RIMS3: variants seen among roughly 807,000 people sequenced by gnomAD.
RIMS3 encodes regulating synaptic membrane exocytosis 3.
In RIMS3, 15 loss-of-function variants were observed where a neutral mutation model predicts 29.2. That is an observed-to-expected ratio of 0.51 (90% CI 0.34 to 0.79). The LOEUF (loss-of-function observed/expected upper bound fraction) is 0.79. RIMS3 is among the 30% of genes least tolerant of loss of function. The pLI is 0.01. For synonymous variants in RIMS3, 161 were observed against 170.1 expected (o/e 0.95, Z 0.41); for missense variants, 342 against 421.4 (o/e 0.81, Z 1.65).
chr1:40,649,990 C>T (rs1160785168), intron 1 of RIMS3, among the ~76,000 whole-genome samples: 2 of 135,022 alleles, frequency 1.5e-5, no homozygotes, highest in African/African-American at 6.4e-5. Context: ...CCTGCAAGAC[C>T]TACAAGACTG....
At chr1:40,662,239 C>G (rs553075596) in intron 1 of RIMS3, among the ~76,000 whole-genome samples, 1 of 152,166 alleles carries the variant, frequency 6.6e-6, no homozygotes, top group Non-Finnish European at 1.5e-5. Context: ...CCCTCTACCA[C>G]GCCAAGCCTG....
chr1:40,644,949 AAGACAGTCCCC>A (rs1646584998), intron 2 of RIMS3, among the ~76,000 whole-genome samples: 1 of 152,232 alleles, frequency 6.6e-6, no homozygotes, highest in Admixed American at 6.5e-5. Flanking sequence ...CAAATAAAGG[AAGACAGTCCCC>A]AGACAGCTGA....
At chr1:40,686,676 AC>A in the RIMS3 span, among the ~76,000 whole-genome samples, 1 of 152,004 alleles carries the variant, frequency 6.6e-6, no homozygotes, top group African/African-American at 2.4e-5. Flanking sequence ...AACAAAAAAA[AC>A]CCTTAATTTT....
At chr1:40,655,252 C>T (rs1048900137) in intron 1 of RIMS3, among the ~76,000 whole-genome samples, 6 of 152,154 alleles carry the variant, frequency 3.9e-5, no homozygotes, top group Non-Finnish European at 7.4e-5. Context: ...GGCAGCCTTG[C>T]CCTTACCTGT....
chr1:40,648,174 G>A (rs1391765253), intron 1 of RIMS3, among the ~76,000 whole-genome samples: 5 of 152,072 alleles, frequency 3.3e-5, no homozygotes, highest in Admixed American at 6.5e-5. Context: ...GATTAATGGG[G>A]TCTGTGTCCC....
chr1:40,672,285 G>A, the RIMS3 span, among the ~76,000 whole-genome samples: 1 of 139,338 alleles, frequency 7.2e-6, no homozygotes, highest in African/African-American at 2.7e-5. Flanking sequence ...TGCAAGCTCC[G>A]CCTCCCGGGT....
chr1:40,622,385 A>C lies in RIMS3; in HGVS notation c.*4132T>G, dbSNP rs949786882. ...TTTTGCCCCAACCTCTTCTGACGTG[A>C]GTGAAAAGGTTGAGGGAGAAGGCGG... On this transcript the variant is annotated 3_prime_UTR_variant, in exon 8 of 8. Coordinates refer to ENST00000372684, the MANE Select transcript of RIMS3 (RefSeq NM_014747.3). 6.6e-6 allele frequency: 1 copy of C among 152,356 alleles called. No homozygotes were observed. The highest frequency in any genetic ancestry group is 1.5e-5 in the Non-Finnish European group (1 of 68,076). 9.4% of individuals were successfully genotyped at this position (152,356 alleles called of 1,614,324 possible). A position where few individuals can be genotyped will look rare whatever the true frequency, so the allele number is the denominator to read the frequency against.
the RIMS3 span, among the ~76,000 whole-genome samples, chr1:40,678,432 G>C: frequency 1.3e-5 from 2 of 152,006 alleles, no homozygotes; most frequent in Non-Finnish European, 2.9e-5. Context: ...AAAAAGGAAG[G>C]TAATAGTCTC....
intron 3 of RIMS3, among the ~76,000 whole-genome samples, chr1:40,638,831 T>C (rs1030959551): frequency 6.6e-6 from 1 of 152,176 alleles, no homozygotes; most frequent in Non-Finnish European, 1.5e-5. Flanking sequence ...TTTAGCTCCA[T>C]TTTACAGAAG....
chr1:40,641,285 C>A (rs1646554252), intron 3 of RIMS3, among the ~76,000 whole-genome samples: 1 of 152,178 alleles, frequency 6.6e-6, no homozygotes, highest in Non-Finnish European at 1.5e-5. Flanking sequence ...GAGACTAAAT[C>A]TTATGGATGT....
In RIMS3 at chr1:40,636,078, A is replaced by C; in HGVS notation, c.218-21T>G. 6.2e-7 allele frequency: 1 copy of C among 1,601,134 alleles called. No individual in the cohort carries two copies. The highest frequency in any genetic ancestry group is 2.2e-5 in the East Asian group (1 of 44,852). On this transcript the variant is annotated intron_variant, in intron 3 of 7. Transcript: ENST00000372684. This position sits in a 1 kb window ranked among gnomAD's most constrained non-coding sequence, Gnocchi z 4.2. ...CCCTTCTGTGACCCCCCCAACCCCA[A>C]GCACAGAGAGGGAACAAGGTCAGAT...
chr1:40,645,118 T>A (rs1646586048), intron 2 of RIMS3, among the ~76,000 whole-genome samples: 1 of 152,176 alleles, frequency 6.6e-6, no homozygotes, highest in Admixed American at 6.5e-5. Context: ...TGGATTGTAT[T>A]TCTCTATCCC....
At chr1:40,645,237 G>A (rs151024236) in intron 2 of RIMS3, among the ~76,000 whole-genome samples, 1 of 152,304 alleles carries the variant, frequency 6.6e-6, no homozygotes, top group Non-Finnish European at 1.5e-5. Flanking sequence ...TATCTGCACG[G>A]TGTTTTGGTG....
chr1:40,655,822 T>C (rs567551812), intron 1 of RIMS3, among the ~76,000 whole-genome samples: 2 of 152,200 alleles, frequency 1.3e-5, no homozygotes, highest in South Asian at 2.1e-4. Flanking sequence ...CTGGCCGATA[T>C]GGTCAAACCC....
chr1:40,677,107 T>C, the RIMS3 span, among the ~76,000 whole-genome samples: 2 of 151,916 alleles, frequency 1.3e-5, no homozygotes, highest in Non-Finnish European at 2.9e-5. Flanking sequence ...CAAGTGATTT[T>C]CCTGCCTCAA....
intron 5 of RIMS3, among the ~76,000 whole-genome samples, chr1:40,631,275 T>C (rs72659525): frequency 0.12 from 18,824 of 152,120 alleles, 1,530 homozygotes; most frequent in Non-Finnish European, 0.18. Flanking sequence ...GCTCATGAAA[T>C]GGGCCAGACT....
chr1:40,656,903 G>C (rs1642281777), intron 1 of RIMS3, among the ~76,000 whole-genome samples: 1 of 151,918 alleles, frequency 6.6e-6, no homozygotes, highest in Non-Finnish European at 1.5e-5. Context: ...CTAATGTTAA[G>C]AAATGGCACT....
At chr1:40,682,568 T>A in the RIMS3 span, among the ~76,000 whole-genome samples, 2 of 151,850 alleles carry the variant, frequency 1.3e-5, no homozygotes, top group African/African-American at 4.8e-5. Context: ...GCATTCCCAT[T>A]CTCTCCCTGC....
intron 5 of RIMS3, 73 bp downstream of exon 5, chr1:40,632,996 G>T: frequency 8.7e-7 from 1 of 1,144,648 alleles, no homozygotes; most frequent in Non-Finnish European, 1.3e-6. Flanking sequence ...CCAATGCAGG[G>T]CCCCCACTGA....
Sources: gnomAD v4.1 joint callset for allele counts (sites outside exome capture counted in the v4.1 genomes callset) on GRCh38, gnomAD v4.1.1 for gene constraint, Gnocchi (gnomAD v3.1) non-coding constraint, MANE v1.5 for transcripts, NCBI Gene and HGNC (gene_info 2026-07-23, HGNC 2026-07-21) for gene names.